The following SRCIN1 variants were observed in gnomAD, a reference collection of about 807,000 sequenced individuals.
SRCIN1 encodes the protein P130Cas-associated protein.
Under a neutral mutation model 116.2 loss-of-function variants are expected in SRCIN1, and 50 were observed. The observed-to-expected ratio is 0.43, with a 90% CI of 0.34 to 0.54. The LOEUF (loss-of-function observed/expected upper bound fraction) is 0.54, where lower values mean the gene tolerates loss of function less well. Among genes scored for constraint, SRCIN1 ranks in the 20% least tolerant of loss-of-function variants. SRCIN1 has a pLI of 0.02. For synonymous variants in SRCIN1, 736 were observed against 750.0 expected (o/e 0.98, Z 0.30); for missense variants, 1,446 against 1,672.0 (o/e 0.86, Z 2.36).
rs1906380947 is a variant in SRCIN1, at chr17:38,562,985, G to A, written c.741-65C>T. On this transcript the variant is annotated intron_variant, in intron 5 of 18. Transcript: ENST00000617146. This position sits in a 1 kb window ranked among gnomAD's most constrained non-coding sequence, Gnocchi z 4.2. ...CAGCTGTGCACAATGAGAAGGGATG[G>A]CTACTCCAGGCCTAGAGAAGAGGGG... The A allele has an allele frequency of 7.5e-7, 1 of 1,334,330 alleles. No homozygotes were observed. Among genetic ancestry groups the A allele is most frequent in the African/African-American group, 1.4e-5 (1 of 69,352 alleles). The allele number at this position is 1,334,330 out of a possible 1,614,324, so 82.7% of individuals were successfully genotyped here.
Position 38,562,965 on chromosome 17 carries a change from G to A in SRCIN1, c.741-45C>T. 1.3e-6 allele frequency: 2 copies of A among 1,496,442 alleles called. No homozygotes were observed. The highest frequency in any genetic ancestry group is 1.9e-6 in the Non-Finnish European group (2 of 1,080,552). 92.7% of individuals were successfully genotyped at this position (1,496,442 alleles called of 1,614,324 possible). A position where few individuals can be genotyped will look rare whatever the true frequency, so the allele number is the denominator to read the frequency against. On this transcript the variant is annotated intron_variant, in intron 5 of 18. Coordinates refer to ENST00000617146, the MANE Select transcript of SRCIN1 (RefSeq NM_025248.3). This position sits in a 1 kb window ranked among gnomAD's most constrained non-coding sequence, Gnocchi z 4.2. ...GGGGGTCACCACCCATCCCCCAGCT[G>A]TGCACAATGAGAAGGGATGGCTACT... is the stretch of plus-strand genomic sequence containing the variant.
At chr17:38,574,651 CT>C (rs1388178446) in intron 2 of SRCIN1, among the ~76,000 whole-genome samples, 1 of 152,188 alleles carries the variant, frequency 6.6e-6, no homozygotes, top group Non-Finnish European at 1.5e-5. Context: ...CAAAAAATTC[CT>C]TCTCCAAAGT....
chr17:38,560,616 C>A (rs1906170975), intron 7 of SRCIN1, among the ~76,000 whole-genome samples, 191 bp from the exon 8 acceptor site: 3 of 152,202 alleles, frequency 2.0e-5, no homozygotes, highest in African/African-American at 7.2e-5. Flanking sequence ...TCATTCCCTC[C>A]CTAAAGGCTG....
chr17:38,533,455 G>A, intron 18 of SRCIN1, 24 bp from the exon 19 acceptor site: 1 of 1,610,306 alleles, frequency 6.2e-7, no homozygotes, highest in South Asian at 1.1e-5. Context: ...AGGGGTCAGG[G>A]GTCAGAGAGC....
At chr17:38,594,113 CCT>C (rs1908586419) in intron 1 of SRCIN1, among the ~76,000 whole-genome samples, 1 of 152,194 alleles carries the variant, frequency 6.6e-6, no homozygotes, top group Non-Finnish European at 1.5e-5. Context: ...GTTCACTGCC[CCT>C]GAGCCCACCC....
At chr17:38,535,182 T>C (rs889474673) in intron 18 of SRCIN1, among the ~76,000 whole-genome samples, 5 of 151,484 alleles carry the variant, frequency 3.3e-5, no homozygotes, top group African/African-American at 7.3e-5. Context: ...AAAGCGAAAA[T>C]TCCCCATTTG....
At position 38,572,225 on chromosome 17, in the gene SRCIN1, C is replaced by T. The variant is rs1907123681; in HGVS notation, c.325-3994G>A. 6.6e-6 allele frequency among the ~76,000 whole-genome samples: 1 copy of T among 152,226 alleles called. No individual in the cohort carries two copies. Among genetic ancestry groups the T allele is most frequent in the Non-Finnish European group, 1.5e-5 (1 of 68,032 alleles). On this transcript the variant is annotated intron_variant, in intron 2 of 18. Coordinates refer to ENST00000617146, the MANE Select transcript of SRCIN1 (RefSeq NM_025248.3). The surrounding 1 kb of genome is among the most constrained non-coding windows in gnomAD (Gnocchi z 4.3). ...CCATGAACACGAGTCAGCGTAAACA[C>T]TCGTCCCCCGGGCTGGGGCTAAGCC...
chr17:38,562,223 A>T lies in SRCIN1; in HGVS notation c.940T>A (p.Ser314Thr), dbSNP rs1906316636. ...GACTGCAGCCCGGACGGCAGCCCCG[A>T]CGGCAGCCCGGGCGGCGGCGAGCCG... is the stretch of plus-strand genomic sequence containing the variant. ...ASGSPPPGLP[S>T]GLPSGLQSGS... The change falls in exon 7 of 19, where the codon TCG (serine) becomes ACG (threonine). Residue 314 changes from serine (S) to threonine (T), a missense_variant. Coordinates refer to ENST00000617146, the MANE Select transcript of SRCIN1 (RefSeq NM_025248.3). This position sits in a 1 kb window ranked among gnomAD's most constrained non-coding sequence, Gnocchi z 4.2. 7 of 1,443,352 alleles carry T rather than the reference A, an allele frequency of 4.8e-6. No individual in the cohort carries two copies. The East Asian group carries it at 2.1e-4, about 43-fold the overall frequency. The allele number at this position is 1,443,352 out of a possible 1,614,324, so 89.4% of individuals were successfully genotyped here.
In SRCIN1 at chr17:38,543,850, C is replaced by T. The variant is rs776823931; in HGVS notation, c.3390G>A (p.Glu1130=). The T allele has an allele frequency of 3.7e-6, 6 of 1,607,842 alleles. No individual in the cohort carries two copies. The highest frequency in any genetic ancestry group is 3.3e-5 in the Admixed American group (2 of 59,996). ...DKSKHGKQRA[E]YMRIQAQQQA... is the part of the protein sequence containing the mutation. ...GCTGCTGGGCCTGGATCCGCATGTA[C>T]TCGGCCCTCTGCTTGCCATGTTTGC... is the stretch of plus-strand genomic sequence containing the variant. The change falls in exon 18 of 19, where the codon GAG becomes GAA. Residue 1130 remains glutamate, a synonymous_variant. Transcript: ENST00000617146.
chr17:38,537,835 T>C (rs531983420), intron 18 of SRCIN1, among the ~76,000 whole-genome samples: 1 of 137,876 alleles, frequency 7.3e-6, no homozygotes, highest in African/African-American at 2.7e-5. Context: ...GTCACGGTGG[T>C]TCACACCTGT....
chr17:38,563,828 G>A lies in SRCIN1; in HGVS notation c.541+290C>T. On this transcript the variant is annotated intron_variant, in intron 4 of 18. Transcript: ENST00000617146. This position sits in a 1 kb window ranked among gnomAD's most constrained non-coding sequence, Gnocchi z 5.8. ...GGGAAGTGAGCTGAGGGAGAGAGAG[G>A]TTGGAGAGAGTTAGAGAAGGGAGAT... 1 of 625,384 alleles carries A rather than the reference G, an allele frequency of 1.6e-6. No homozygotes were observed. The highest frequency in any genetic ancestry group is 1.9e-5 in the South Asian group (1 of 53,466). 38.7% of individuals were successfully genotyped at this position (625,384 alleles called of 1,614,324 possible). A position where few individuals can be genotyped will look rare whatever the true frequency, so the allele number is the denominator to read the frequency against.
In SRCIN1 at chr17:38,530,288, C is replaced by G. The variant is rs910179200; in HGVS notation, c.*3009G>C. 2 of 151,986 alleles carry G rather than the reference C, an allele frequency of 1.3e-5. No homozygotes were observed. Among genetic ancestry groups the G allele is most frequent in the African/African-American group, 4.8e-5 (2 of 41,374 alleles). The allele number at this position is 151,986 out of a possible 1,614,324, so 9.4% of individuals were successfully genotyped here. A position where few individuals can be genotyped will look rare whatever the true frequency, so the allele number is the denominator to read the frequency against. ...CAGGGTGTGGAGCCGGGGCTCACCC[C>G]GGGGGGCCCCCTGGGGACCCCACTC... On this transcript the variant is annotated 3_prime_UTR_variant, in exon 19 of 19. Transcript: ENST00000617146.
At chr17:38,565,669 T>C (rs1397278112) in intron 3 of SRCIN1, among the ~76,000 whole-genome samples, 1 of 152,242 alleles carries the variant, frequency 6.6e-6, no homozygotes. Context: ...ATTAACTCAA[T>C]TTAATGTTCC....
In SRCIN1 at chr17:38,531,414, T is replaced by TTA. The variant is rs2040920852; in HGVS notation, c.*1881_*1882dup. 1 of 147,062 alleles carries TTA rather than the reference T, an allele frequency of 6.8e-6. No individual in the cohort carries two copies. Among genetic ancestry groups the TTA allele is most frequent in the South Asian group, 2.1e-4 (1 of 4,756 alleles). 9.1% of individuals were successfully genotyped at this position (147,062 alleles called of 1,614,324 possible). ...TCTTTTTTTTTTCTTTTTTAAATATTTATATATATTTATATTACGTATATT... is the reference window on the plus strand; with the variant it reads ...TCTTTTTTTTTTCTTTTTTAAATATTTATATATATATTTATATTACGTATATT... On this transcript the variant is annotated 3_prime_UTR_variant, in exon 19 of 19. Coordinates refer to ENST00000617146, the MANE Select transcript of SRCIN1 (RefSeq NM_025248.3).
intron 3 of SRCIN1, among the ~76,000 whole-genome samples, chr17:38,566,553 G>C (rs917235092): frequency 6.6e-6 from 1 of 152,236 alleles, no homozygotes; most frequent in Non-Finnish European, 1.5e-5. Context: ...TCACCAGAGT[G>C]TTCCAGGGAG....
At chr17:38,582,979 G>A (rs1489417018) in intron 1 of SRCIN1, among the ~76,000 whole-genome samples, 1 of 152,154 alleles carries the variant, frequency 6.6e-6, no homozygotes, top group Non-Finnish European at 1.5e-5. Flanking sequence ...CCTTCAGCAG[G>A]CCAGGCACTT....
At chr17:38,571,583 C>G (rs538345515) in intron 2 of SRCIN1, among the ~76,000 whole-genome samples, 32 of 152,260 alleles carry the variant, frequency 2.1e-4, no homozygotes, top group Admixed American at 1.2e-3. Context: ...GTCTCCCTCC[C>G]CCATAGTCAG....
In SRCIN1 at chr17:38,594,331, C is replaced by T. The variant is rs552586033; in HGVS notation, c.22+11353G>A. Among the ~76,000 whole-genome samples, 3 of 152,310 alleles carry T rather than the reference C, an allele frequency of 2.0e-5. No individual in the cohort carries two copies. In the South Asian group the frequency reaches 6.2e-4, roughly 32 times the overall value. On this transcript the variant is annotated intron_variant, in intron 1 of 18. Transcript: ENST00000617146. ...TTTAATTAAGAGGCAGACAAATGAG[C>T]GCTCTGCAGATTGTCTCAGAGCAAA...
At chr17:38,601,638 G>GCACACACACACACACGCTCGCGCGCACA in intron 1 of SRCIN1, among the ~76,000 whole-genome samples, 1 of 137,664 alleles carries the variant, frequency 7.3e-6, no homozygotes, top group Non-Finnish European at 1.7e-5. Flanking sequence ...ACACACACAC[G>GCACACACACACACACGCTCGCGCGCACA]CACACACACA....
Sources: allele counts gnomAD v4.1 joint callset (sites outside exome capture counted in the v4.1 genomes callset), GRCh38; gene constraint gnomAD v4.1.1; non-coding constraint Gnocchi (gnomAD v3.1); transcripts MANE v1.5; gene names NCBI Gene and HGNC (gene_info 2026-07-23, HGNC 2026-07-21).